Variants in E2F1 observed in about 807,000 individuals in gnomAD.
E2F1 encodes the protein E2F transcription factor 1.
E2F1 carries 7 observed loss-of-function variants against 36.9 expected under a neutral mutation model. The observed-to-expected ratio is 0.19, with a 90% confidence interval of 0.11 to 0.36. The LOEUF is 0.36. Among genes scored for constraint, E2F1 ranks in the 10% least tolerant of loss-of-function variants. E2F1 has a pLI of 1.00. For missense variants in E2F1, 406 were observed against 573.6 expected (o/e 0.71, Z 2.99); for synonymous variants, 261 against 263.1 (o/e 0.99, Z 0.08).
intron 1 of E2F1, among the ~76,000 whole-genome samples, chr20:33,683,450 C>CAAA (rs60838396): frequency 0.022 from 1,202 of 54,660 alleles, 70 homozygotes; most frequent in Admixed American, 0.15. Flanking sequence ...GACTTCATCT[C>CAAA]AAAAAAAAAA....
At position 33,686,046 on chromosome 20, in the gene E2F1, C is replaced by T. The variant is rs2018065874; in HGVS notation, c.219G>A (p.Arg73=). ...LLLFATPQAP[R]PTPSAPRPAL... The stretch of plus-strand genomic sequence containing the variant: ...CGGGCCGCGGCGCACTGGGTGTGGG[C>T]CGGGGCGCCTGCGGTGTGGCGAAGA... Residue 73 remains arginine (R), a synonymous_variant, in exon 1 of 7, where the codon CGG becomes CGA. Transcript: ENST00000343380. The T allele has an allele frequency of 8.8e-6, 10 of 1,132,528 alleles. No homozygotes were observed. Among genetic ancestry groups the T allele is most frequent in the Non-Finnish European group, 9.7e-6 (9 of 925,738 alleles). The allele number at this position is 1,132,528 out of a possible 1,614,324, so 70.2% of individuals were successfully genotyped here. A position where few individuals can be genotyped will look rare whatever the true frequency, so the allele number is the denominator to read the frequency against.
chr20:33,677,945 C>T (rs866743260), intron 4 of E2F1, among the ~76,000 whole-genome samples: 1 of 152,188 alleles, frequency 6.6e-6, no homozygotes, highest in Non-Finnish European at 1.5e-5. Flanking sequence ...CAGGCATGAA[C>T]CACCGCACCT....
At position 33,679,649 on chromosome 20, in the gene E2F1, C is replaced by T; in HGVS notation, c.572+106G>A. 9.5e-7 allele frequency: 1 copy of T among 1,055,902 alleles called. No homozygotes were observed. Among genetic ancestry groups the T allele is most frequent in the Non-Finnish European group, 1.5e-6 (1 of 682,366 alleles). 65.4% of individuals were successfully genotyped at this position (1,055,902 alleles called of 1,614,324 possible). Reference sequence around the variant, plus strand: ...TACCTCTCCTCTCTGAGCCCGTTTCCCCAGCTATAAGATGGGGATGCAGGC... The same window carrying T: ...TACCTCTCCTCTCTGAGCCCGTTTCTCCAGCTATAAGATGGGGATGCAGGC... On this transcript the variant is annotated intron_variant, in intron 3 of 6. Transcript: ENST00000343380. The surrounding 1 kb of genome is among the most constrained non-coding windows in gnomAD (Gnocchi z 4.6).
Position 33,680,352 on chromosome 20 carries a change from C to T in E2F1, c.326G>A (p.Arg109Gln), listed in dbSNP as rs199740633. The change falls in exon 2 of 7, where the codon CGG (arginine) becomes CAG (glutamine). Residue 109 changes from arginine to glutamine, a missense_variant. Physicochemically the swap from Arg to Gln is conservative, Grantham distance 43. This residue lies in a region of E2F1 where 77 missense variants were observed against 131.7 expected (regional missense o/e 0.58). Coordinates refer to ENST00000343380, the MANE Select transcript of E2F1 (RefSeq NM_005225.3). ...TTTTCCTGGATGGCGGCCTCTGCCC[C>T]GAGCTGGCCCACTGCTCTCGGCCAG... ...QYLAESSGPA[R>Q]GRGRHPGKGV... The T allele has an allele frequency of 8.7e-6, 14 of 1,614,196 alleles. No homozygotes were observed. The highest frequency in any genetic ancestry group is 2.2e-5 in the East Asian group (1 of 44,888).
In E2F1 at chr20:33,675,882, C is replaced by T; in HGVS notation, c.*850G>A. On this transcript the variant is annotated 3_prime_UTR_variant, in exon 7 of 7. Transcript: ENST00000343380. ...ACATCAGTGAAGGTCCCCCACTCAC[C>T]TCTCCCATCTCATATCCATCCTGGG... The T allele has an allele frequency of 6.1e-6, 1 of 164,708 alleles. No homozygotes were observed. The highest frequency in any genetic ancestry group is 1.6e-4 in the East Asian group (1 of 6,380). 10.2% of individuals were successfully genotyped at this position (164,708 alleles called of 1,614,324 possible). A position where few individuals can be genotyped will look rare whatever the true frequency, so the allele number is the denominator to read the frequency against.
intron 1 of E2F1, 145 bp from the exon 2 acceptor site, chr20:33,680,561 AT>A: frequency 1.5e-6 from 1 of 652,136 alleles, no homozygotes; most frequent in Non-Finnish European, 2.7e-6. Flanking sequence ...CAGAGGGGAC[AT>A]AGCCTGAGAG....
rs976113778 is a variant in E2F1 at position 33,679,573 on chromosome 20, G to A, written c.572+182C>T. On this transcript the variant is annotated intron_variant, in intron 3 of 6. Coordinates refer to ENST00000343380, the MANE Select transcript of E2F1 (RefSeq NM_005225.3). This position sits in a 1 kb window ranked among gnomAD's most constrained non-coding sequence, Gnocchi z 4.6. ...AGAAAAAAGTAAAGCTGCAACTGAGGTGGATATGTAAGATTTGTGTGCTTT... is the reference window on the plus strand; with the variant it reads ...AGAAAAAAGTAAAGCTGCAACTGAGATGGATATGTAAGATTTGTGTGCTTT... 6.6e-6 allele frequency among the ~76,000 whole-genome samples: 1 copy of A among 152,174 alleles called. No homozygotes were observed. Among genetic ancestry groups the A allele is most frequent in the Admixed American group, 6.5e-5 (1 of 15,274 alleles).
In E2F1 at chr20:33,675,691, CA is replaced by C. The variant is rs1347647505; in HGVS notation, c.*1040del. The stretch of plus-strand genomic sequence containing the variant: ...TCCCAAAACCCGGCCCAAACGTCAT[CA>C]AAATATTTATTAAAACCAAAGCAGG... On this transcript the variant is annotated 3_prime_UTR_variant, in exon 7 of 7. Transcript: ENST00000343380. 5.7e-5 allele frequency: 9 copies of C among 158,186 alleles called. No homozygotes were observed. Among genetic ancestry groups the C allele is most frequent in the African/African-American group, 2.2e-4 (9 of 41,566 alleles). 9.8% of individuals were successfully genotyped at this position (158,186 alleles called of 1,614,324 possible).
intron 1 of E2F1, among the ~76,000 whole-genome samples, chr20:33,680,625 G>C (rs2122547142): frequency 6.6e-6 from 1 of 152,324 alleles, no homozygotes; most frequent in Non-Finnish European, 1.5e-5. Flanking sequence ...CTGGGGTCTA[G>C]CGGTGGATTT....
rs766526488 is a variant in E2F1, at chr20:33,676,819, G to C, written c.1227C>G (p.Leu409=). ...CCTCCTCGAGGCCGAAGTGGTAGTCGAGGGCCTCGTGGGGTGGGGAAAGGC... is the reference window on the plus strand; with the variant it reads ...CCTCCTCGAGGCCGAAGTGGTAGTCCAGGGCCTCGTGGGGTGGGGAAAGGC... ...FISLSPPHEA[L]DYHFGLEEGE... The change falls in exon 7 of 7, where the codon CTC becomes CTG. Residue 409 remains leucine (L), a synonymous_variant. Coordinates refer to ENST00000343380, the MANE Select transcript of E2F1 (RefSeq NM_005225.3). 6.3e-7 allele frequency: 1 copy of C among 1,598,524 alleles called. No homozygotes were observed. The highest frequency in any genetic ancestry group is 2.3e-5 in the East Asian group (1 of 43,826).
rs990076432 is a variant in E2F1 at position 33,679,360 on chromosome 20, A to G, written c.572+395T>C. On this transcript the variant is annotated intron_variant, in intron 3 of 6. Transcript: ENST00000343380. This position sits in a 1 kb window ranked among gnomAD's most constrained non-coding sequence, Gnocchi z 4.6. ...GGAGTTCGAGACCAGACTGGCCAAC[A>G]TGGTGAAACCCCATTTCTACTACAA... Among the ~76,000 whole-genome samples the G allele has an allele frequency of 3.3e-5, 5 of 152,240 alleles. No individual in the cohort carries two copies. Among genetic ancestry groups the G allele is most frequent in the African/African-American group, 1.2e-4 (5 of 41,464 alleles).
Position 33,676,749 on chromosome 20 carries a change from T to C in E2F1, c.1297A>G (p.Thr433Ala), listed in dbSNP as rs1312246924. ...AAGCCCTGTCAGAAATCCAGGGGGG[T>C]GAGGTCCCCAAAGTCACAGTCGAAG... ...DLFDCDFGDLTPLDF is the reference protein window; with the variant it reads ...DLFDCDFGDLAPLDF Residue 433 changes from threonine (T) to alanine (A), a missense_variant, in exon 7 of 7, where the codon ACC becomes GCC. This residue lies in a region of E2F1 where 163 missense variants were observed against 181.5 expected (regional missense o/e 0.90). Transcript: ENST00000343380. The C allele has an allele frequency of 6.2e-7, 1 of 1,608,360 alleles. No homozygotes were observed.
Position 33,676,081 on chromosome 20 carries a change from C to G in E2F1, c.*651G>C. Reference sequence around the variant, plus strand: ...CAGCTCAGGGACCCCTGCCCTTGCTCAAGGGTAGAGGGAGTTGGGGTATCA... The same window carrying G: ...CAGCTCAGGGACCCCTGCCCTTGCTGAAGGGTAGAGGGAGTTGGGGTATCA... On this transcript the variant is annotated 3_prime_UTR_variant, in exon 7 of 7. Coordinates refer to ENST00000343380, the MANE Select transcript of E2F1 (RefSeq NM_005225.3). 6.5e-6 allele frequency: 1 copy of G among 152,836 alleles called. No homozygotes were observed. 9.5% of individuals were successfully genotyped at this position (152,836 alleles called of 1,614,324 possible).
In E2F1 at chr20:33,678,362, A is replaced by T. The variant is rs1205943115; in HGVS notation, c.573-9T>A. On this transcript the variant is annotated splice_polypyrimidine_tract_variant and intron_variant, in intron 3 of 6. Coordinates refer to ENST00000343380, the MANE Select transcript of E2F1 (RefSeq NM_005225.3). ...CTGTGGTGTGGCTGCCCCTGTGGGG[A>T]GGCACCAGGGAGGGTAGGGTTAACA... 1 of 1,611,622 alleles carries T rather than the reference A, an allele frequency of 6.2e-7. No individual in the cohort carries two copies. The highest frequency in any genetic ancestry group is 1.7e-5 in the Admixed American group (1 of 60,016).
rs746432333 is a variant in E2F1, at chr20:33,678,341, G to A, written c.585C>T (p.Thr195=). ...KNHIQWLGSH[T]TVGVGGRLEG... ...CAAGCCGTCCGCCGACGCCCACTGT[G>A]GTGTGGCTGCCCCTGTGGGGAGGCA... Residue 195 remains threonine, a synonymous_variant, in exon 4 of 7, where the codon ACC becomes ACT. Coordinates refer to ENST00000343380, the MANE Select transcript of E2F1 (RefSeq NM_005225.3). The A allele has an allele frequency of 1.2e-6, 2 of 1,612,146 alleles. No homozygotes were observed. Among genetic ancestry groups the A allele is most frequent in the South Asian group, 2.2e-5 (2 of 90,998 alleles).
Position 33,686,257 on chromosome 20 carries a change from A to G in E2F1, c.8T>C (p.Leu3Ser). The change falls in exon 1 of 7, where the codon TTG becomes TCG. Residue 3 changes from leucine to serine, a missense_variant. Leu to Ser is a moderately radical substitution (Grantham distance 145). This residue lies in a region of E2F1 where 68 missense variants were observed against 74.3 expected (regional missense o/e 0.92). Coordinates refer to ENST00000343380, the MANE Select transcript of E2F1 (RefSeq NM_005225.3). ...TGGGCCGCCCGCAGGGGCCCCGGCC[A>G]AGGCCATGACGCTCACGGCCCGCGC... MA[L>S]AGAPAGGPCA... The G allele has an allele frequency of 9.9e-7, 1 of 1,010,594 alleles. No homozygotes were observed. Among genetic ancestry groups the G allele is most frequent in the African/African-American group, 1.7e-5 (1 of 57,150 alleles). 62.6% of individuals were successfully genotyped at this position (1,010,594 alleles called of 1,614,324 possible).
At chr20:33,680,209 AGAG>A in intron 2 of E2F1, 114 bp downstream of exon 2, 1 of 1,203,822 alleles carries the variant, frequency 8.3e-7, no homozygotes, top group Admixed American at 2.3e-5. Flanking sequence ...CAGGGTCCTC[AGAG>A]GCCTGGCTCA....
rs114986663 is a variant in E2F1, at chr20:33,685,263, G to A, written c.261+741C>T. ...CATGGCAACCAGGGCCTGGGAGGGT[G>A]GAGGGTGGCAGATGGAAGGACAGGC... On this transcript the variant is annotated intron_variant, in intron 1 of 6. Transcript: ENST00000343380. Among the ~76,000 whole-genome samples the A allele has an allele frequency of 4.7e-3, 717 of 152,254 alleles. 5 individuals are homozygous for A. The highest frequency in any genetic ancestry group is 0.016 in the African/African-American group (674 of 41,554).
intron 3 of E2F1, 150 bp from the exon 4 acceptor site, chr20:33,678,503 G>T: frequency 3.0e-6 from 3 of 999,218 alleles, no homozygotes; most frequent in Non-Finnish European, 4.3e-6. Context: ...CCTCAGCTGG[G>T]CTCCAAATCA....
Sources: allele counts gnomAD v4.1 joint callset (sites outside exome capture counted in the v4.1 genomes callset), GRCh38; gene constraint gnomAD v4.1.1; regional missense constraint gnomAD v4.1.1; non-coding constraint Gnocchi (gnomAD v3.1); transcripts MANE v1.5; gene names NCBI Gene and HGNC (gene_info 2026-07-23, HGNC 2026-07-21).